NPR3: variants seen among roughly 807,000 people sequenced by gnomAD.
NPR3 encodes atrial natriuretic peptide receptor 3.
In NPR3, 34 loss-of-function variants were observed where a neutral mutation model predicts 54.5. The observed-to-expected ratio is 0.62, with a 90% confidence interval of 0.47 to 0.83. The LOEUF (loss-of-function observed/expected upper bound fraction) is 0.83, where lower values mean the gene tolerates loss of function less well. Among genes scored for constraint, NPR3 ranks in the 40% least tolerant of loss-of-function variants. NPR3 has a pLI of 0.00. For synonymous variants in NPR3, 289 were observed against 297.1 expected, an observed-to-expected ratio of 0.97 and a Z score of 0.28; for missense variants, 674 against 720.8, an observed-to-expected ratio of 0.94 and a Z score of 0.74.
chr5:32,701,398 T>C (rs1737794866), intron 1 of NPR3, among the ~76,000 whole-genome samples: 1 of 152,222 alleles, frequency 6.6e-6, no homozygotes, highest in South Asian at 2.1e-4. Context: ...CTTATAGGAC[T>C]GTGAATTCCT....
intron 3 of NPR3, among the ~76,000 whole-genome samples, chr5:32,747,606 C>T (rs991740574): frequency 6.6e-6 from 1 of 151,740 alleles, no homozygotes; most frequent in African/African-American, 2.4e-5. Flanking sequence ...TTTTTAAAAC[C>T]CTTTATCTTC....
chr5:32,739,912 G>T (rs1739952225), intron 3 of NPR3, among the ~76,000 whole-genome samples: 3 of 151,990 alleles, frequency 2.0e-5, no homozygotes, highest in Admixed American at 1.3e-4. Context: ...TCAACATTTT[G>T]CTCTGTCTCC....
chr5:32,762,113 G>A (rs1430306149), intron 3 of NPR3, among the ~76,000 whole-genome samples: 1 of 152,112 alleles, frequency 6.6e-6, no homozygotes, highest in Non-Finnish European at 1.5e-5. Flanking sequence ...CCTGGCAAAG[G>A]ACATGAACTC....
At chr5:32,710,670 C>T, upstream of NPR3, 1 of 1,530,260 alleles carries the variant, frequency 6.5e-7, no homozygotes, top group Non-Finnish European at 8.8e-7. Flanking sequence ...GCGATGGAGC[C>T]ATCTGCACTG....
chr5:32,777,291 C>T (rs1561130220), intron 4 of NPR3, among the ~76,000 whole-genome samples: 2 of 152,152 alleles, frequency 1.3e-5, no homozygotes, highest in African/African-American at 2.4e-5. Context: ...ACTTGACAAC[C>T]GGTAACATAA....
At chr5:32,713,267 A>G in intron 1 of NPR3, 1 of 985,406 alleles carries the variant, frequency 1.0e-6, no homozygotes, top group Non-Finnish European at 1.2e-6. Context: ...CTTTTGAAGA[A>G]ACGAGCGCTG....
chr5:32,728,225 G>A (rs1739235673), intron 2 of NPR3, among the ~76,000 whole-genome samples: 1 of 152,194 alleles, frequency 6.6e-6, no homozygotes, highest in South Asian at 2.1e-4. Flanking sequence ...CACTTTGGGA[G>A]GCTGAGGCAG....
chr5:32,782,887 A>T lies in NPR3; in HGVS notation c.1291-6A>T. The T allele has an allele frequency of 1.9e-6, 3 of 1,606,500 alleles. No individual in the cohort carries two copies. Among genetic ancestry groups the T allele is most frequent in the Non-Finnish European group, 1.7e-6 (2 of 1,176,678 alleles). ...GTTTGTCTATTTGTTTTTTGCCTCTATATAGGTTATTGGTGATTATTTTGG... is the reference window on the plus strand; with the variant it reads ...GTTTGTCTATTTGTTTTTTGCCTCTTTATAGGTTATTGGTGATTATTTTGG... On this transcript the variant is annotated splice_polypyrimidine_tract_variant and splice_region_variant and intron_variant, in intron 5 of 7. Coordinates refer to ENST00000265074, the MANE Select transcript of NPR3 (RefSeq NM_001204375.2).
At chr5:32,776,619 C>A (rs1326962591) in intron 4 of NPR3, among the ~76,000 whole-genome samples, 2 of 152,176 alleles carry the variant, frequency 1.3e-5, no homozygotes, top group Non-Finnish European at 2.9e-5. Flanking sequence ...GAAGTGATCT[C>A]ACTGCAGGAG....
At chr5:32,695,500 C>T (rs1258210043) in intron 1 of NPR3, among the ~76,000 whole-genome samples, 1 of 152,098 alleles carries the variant, frequency 6.6e-6, no homozygotes, top group African/African-American at 2.4e-5. Flanking sequence ...GATCTCCTGA[C>T]CTCGTGATCT....
intron 1 of NPR3, among the ~76,000 whole-genome samples, chr5:32,713,790 G>A (rs1738395532): frequency 6.6e-6 from 1 of 152,236 alleles, no homozygotes; most frequent in Non-Finnish European, 1.5e-5. Context: ...TGCTGTCACC[G>A]CCTTGCCATC....
chr5:32,696,230 C>T (rs1370385787), intron 1 of NPR3, among the ~76,000 whole-genome samples: 1 of 152,138 alleles, frequency 6.6e-6, no homozygotes. Context: ...ATCCAGTTTT[C>T]CCAGCACCAT....
At chr5:32,693,144 CT>C (rs1740441882) in intron 1 of NPR3, among the ~76,000 whole-genome samples, 1 of 151,870 alleles carries the variant, frequency 6.6e-6, no homozygotes, top group African/African-American at 2.4e-5. Flanking sequence ...GATCTTTGAT[CT>C]CTTATATTGT....
Position 32,769,607 on chromosome 5 carries a change from G to A in NPR3, c.1060-5101G>A, listed in dbSNP as rs191913155. Among the ~76,000 whole-genome samples, 337 of 152,330 alleles carry A rather than the reference G, an allele frequency of 2.2e-3. 2 individuals are homozygous for A. Among genetic ancestry groups the A allele is most frequent in the Non-Finnish European group, 3.8e-3 (257 of 68,036 alleles). ...CCTTAGTTTCCCTCCTTTGCACTGG[G>A]AACCACTGGTCTGTGGTAGGGAAGG... On this transcript the variant is annotated intron_variant, in intron 3 of 7. Coordinates refer to ENST00000265074, the MANE Select transcript of NPR3 (RefSeq NM_001204375.2).
chr5:32,754,220 A>C (rs1740717477), intron 3 of NPR3, among the ~76,000 whole-genome samples: 1 of 152,190 alleles, frequency 6.6e-6, no homozygotes, highest in South Asian at 2.1e-4. Context: ...ATAAATATTA[A>C]TTGATGGGTA....
chr5:32,706,809 T>G (rs1173326218), upstream of NPR3, among the ~76,000 whole-genome samples: 3 of 152,238 alleles, frequency 2.0e-5, no homozygotes, highest in Admixed American at 6.5e-5. Context: ...TAATAAAGAT[T>G]GCATTGACAT....
At chr5:32,721,376 G>C (rs1400887107) in intron 1 of NPR3, among the ~76,000 whole-genome samples, 1 of 152,190 alleles carries the variant, frequency 6.6e-6, no homozygotes, top group Non-Finnish European at 1.5e-5. Flanking sequence ...ACAGAAAGAA[G>C]GTAGGCTGGG....
rs1742766865 is a variant in NPR3 at position 32,788,918 on chromosome 5, A to T, written c.*2573A>T. The T allele has an allele frequency of 3.3e-5, 5 of 152,356 alleles. No individual in the cohort carries two copies. Among genetic ancestry groups the T allele is most frequent in the Admixed American group, 1.3e-4 (2 of 15,294 alleles). 9.4% of individuals were successfully genotyped at this position (152,356 alleles called of 1,614,324 possible). On this transcript the variant is annotated 3_prime_UTR_variant, in exon 8 of 8. Transcript: ENST00000265074. ...CTGTTAGGTTTTGAAAATTCCATTA[A>T]GTTGGAAACCTTGGTTAAAAATGTA...
rs1482282130 is a variant in NPR3 at position 32,711,367 on chromosome 5, A to C, written c.-410A>C. The C allele has an allele frequency of 2.0e-6, 2 of 993,346 alleles. No homozygotes were observed. The highest frequency in any genetic ancestry group is 1.2e-4 in the Admixed American group (2 of 16,440). The allele number at this position is 993,346 out of a possible 1,614,324, so 61.5% of individuals were successfully genotyped here. A position where few individuals can be genotyped will look rare whatever the true frequency, so the allele number is the denominator to read the frequency against. The stretch of plus-strand genomic sequence containing the variant: ...ATGCGAGGGAGATGCACCGTCAATT[A>C]CAAACACTTGGACAAGTCTAACTTT... On this transcript the variant is annotated 5_prime_UTR_variant, in exon 1 of 8. Coordinates refer to ENST00000265074, the MANE Select transcript of NPR3 (RefSeq NM_001204375.2).
Sources: gnomAD v4.1 joint callset for allele counts (sites outside exome capture counted in the v4.1 genomes callset) on GRCh38, gnomAD v4.1.1 for gene constraint, MANE v1.5 for transcripts, NCBI Gene and HGNC (gene_info 2026-07-23, HGNC 2026-07-21) for gene names.